PDE1C: variants seen among roughly 807,000 people sequenced by gnomAD.
The protein encoded by PDE1C is dual specificity calcium/calmodulin-dependent 3',5'-cyclic nucleotide phosphodiesterase 1C.
In PDE1C, 62 loss-of-function variants were observed where a neutral mutation model predicts 93.1. The ratio of observed to expected loss-of-function variants is 0.67; its 90% CI spans 0.54 to 0.82. The LOEUF (loss-of-function observed/expected upper bound fraction) is 0.82, where lower values mean the gene tolerates loss of function less well. Among genes scored for constraint, PDE1C ranks in the 40% least tolerant of loss-of-function variants. The pLI is 0.00. For synonymous variants in PDE1C, 325 were observed against 310.1 expected, an observed-to-expected ratio of 1.05 and a Z score of -0.50; for missense variants, 742 against 884.6, an observed-to-expected ratio of 0.84 and a Z score of 2.04.
At chr7:32,417,278 CTTT>C (rs111750487) in intron 1 of PDE1C, among the ~76,000 whole-genome samples, 56 of 142,098 alleles carry the variant, frequency 3.9e-4, no homozygotes, top group African/African-American at 1.3e-3. Context: ...AAAGTGATGA[CTTT>C]TTTTTTTTTT....
the PDE1C span, among the ~76,000 whole-genome samples, chr7:31,619,719 C>CG: frequency 1.2e-4 from 19 of 152,056 alleles, no homozygotes; most frequent in African/African-American, 2.4e-5. Flanking sequence ...TCTGAGGTAC[C>CG]AGTTCCATCT....
chr7:31,890,988 C>T (rs1343217329), intron 2 of PDE1C, among the ~76,000 whole-genome samples: 1 of 152,104 alleles, frequency 6.6e-6, no homozygotes, highest in African/African-American at 2.4e-5. Context: ...TATTGTTTCC[C>T]TCCACTCCAC....
chr7:32,293,007 C>T (rs1442100548), intron 1 of PDE1C, among the ~76,000 whole-genome samples: 1 of 152,184 alleles, frequency 6.6e-6, no homozygotes, highest in East Asian at 1.9e-4. Flanking sequence ...CCTGGCTGCC[C>T]ACCCACAGAG....
At chr7:31,805,838 T>C (rs887792039) in intron 16 of PDE1C, among the ~76,000 whole-genome samples, 2 of 151,942 alleles carry the variant, frequency 1.3e-5, no homozygotes, top group African/African-American at 2.4e-5. Context: ...GGAAGTCCTC[T>C]CAAGGCAGTA....
intron 2 of PDE1C, among the ~76,000 whole-genome samples, chr7:32,185,111 C>T (rs1400553388): frequency 6.9e-6 from 1 of 144,928 alleles, no homozygotes; most frequent in East Asian, 2.0e-4. Flanking sequence ...AACTCTGTCC[C>T]CCCACAAAAA....
intron 17 of PDE1C, among the ~76,000 whole-genome samples, chr7:31,758,975 A>C (rs1794659177): frequency 6.6e-6 from 1 of 152,158 alleles, no homozygotes; most frequent in Non-Finnish European, 1.5e-5. Context: ...GCATGAAGAA[A>C]CATTTACCAT....
Position 31,879,260 on chromosome 7 carries a change from C to T in PDE1C, c.243-82G>A, listed in dbSNP as rs935154807. 16 of 1,361,666 alleles carry T rather than the reference C, an allele frequency of 1.2e-5. No homozygotes were observed. In the African/African-American group the frequency reaches 2.2e-4, roughly 19 times the overall value. The allele number at this position is 1,361,666 out of a possible 1,614,324, so 84.3% of individuals were successfully genotyped here. A position where few individuals can be genotyped will look rare whatever the true frequency, so the allele number is the denominator to read the frequency against. ...TGTTCAAAGCAGCTGCTCCTCTCTG[C>T]CTCACCTGCATGTTAGGTGCAAAGA... On this transcript the variant is annotated intron_variant, in intron 3 of 17. Transcript: ENST00000396191.
intron 2 of PDE1C, among the ~76,000 whole-genome samples, chr7:31,955,500 G>C (rs930170641): frequency 6.6e-6 from 1 of 152,128 alleles, no homozygotes; most frequent in Non-Finnish European, 1.5e-5. Flanking sequence ...TAGTCTTCAG[G>C]AGGCAATTTC....
At chr7:32,052,303 G>T in intron 1 of PDE1C, 1 of 485,290 alleles carries the variant, frequency 2.1e-6, no homozygotes, top group Non-Finnish European at 4.2e-6. Context: ...CAAATCTTGT[G>T]CATCAGGCTT....
intron 2 of PDE1C, among the ~76,000 whole-genome samples, chr7:32,032,174 G>C (rs1383349281): frequency 3.3e-5 from 5 of 152,162 alleles, no homozygotes; most frequent in Admixed American, 3.3e-4. Context: ...AGAAACCCAG[G>C]ATGCCACATG....
chr7:31,735,777 C>T, the PDE1C span, among the ~76,000 whole-genome samples: 8 of 152,274 alleles, frequency 5.3e-5, no homozygotes, highest in Admixed American at 3.9e-4. Context: ...TCTTCTGTGC[C>T]TTTGATAGAT....
intron 1 of PDE1C, among the ~76,000 whole-genome samples, chr7:32,065,451 T>C (rs1210381992): frequency 6.6e-6 from 1 of 152,222 alleles, no homozygotes; most frequent in Non-Finnish European, 1.5e-5. Context: ...CTGTAACACC[T>C]TCTCTGGCCC....
rs547300159 is a variant in PDE1C, at chr7:31,752,052, A to C, written c.*1332T>G. The C allele has an allele frequency of 1.3e-5, 2 of 152,198 alleles. No individual in the cohort carries two copies. Among genetic ancestry groups the C allele is most frequent in the Non-Finnish European group, 2.9e-5 (2 of 68,038 alleles). 9.4% of individuals were successfully genotyped at this position (152,198 alleles called of 1,614,324 possible). On this transcript the variant is annotated 3_prime_UTR_variant, in exon 18 of 18. Transcript: ENST00000396191. ...CTACATTATCATTAATCTTCAATAC[A>C]AAGTGCAGAGTGTGTATATGAATCC...
At chr7:31,700,239 A>T in the PDE1C span, among the ~76,000 whole-genome samples, 4,328 of 152,320 alleles carry the variant, frequency 0.028, 101 homozygotes, top group Middle Eastern at 0.041. Flanking sequence ...GTTCTACTCC[A>T]GTGAACACAG....
intron 1 of PDE1C, among the ~76,000 whole-genome samples, chr7:32,373,121 G>A (rs547526449): frequency 2.0e-5 from 3 of 152,222 alleles, no homozygotes; most frequent in Admixed American, 6.5e-5. Context: ...GTATACCCAA[G>A]GCAAGTGAAA....
intron 1 of PDE1C, among the ~76,000 whole-genome samples, chr7:32,341,580 G>A (rs891254103): frequency 1.3e-5 from 2 of 152,168 alleles, no homozygotes; most frequent in Non-Finnish European, 2.9e-5. Context: ...TACTCACAGA[G>A]ACAGCACAGA....
chr7:32,354,072 T>G (rs1170131708), intron 1 of PDE1C, among the ~76,000 whole-genome samples: 3 of 152,164 alleles, frequency 2.0e-5, no homozygotes, highest in African/African-American at 7.2e-5. Flanking sequence ...CTCTATGACT[T>G]CCAAGATCCC....
chr7:32,246,113 T>C (rs1363064868), intron 1 of PDE1C, among the ~76,000 whole-genome samples: 1 of 151,712 alleles, frequency 6.6e-6, no homozygotes, highest in Non-Finnish European at 1.5e-5. Flanking sequence ...GGACCACAGA[T>C]GTACACCTCC....
upstream of PDE1C, chr7:32,299,371 A>G: frequency 1.0e-6 from 1 of 985,710 alleles, no homozygotes; most frequent in Non-Finnish European, 1.2e-6. Context: ...CACTGCCCCC[A>G]GCACTGGCCT....
Sources: gnomAD v4.1 joint callset for allele counts (sites outside exome capture counted in the v4.1 genomes callset) on GRCh38, gnomAD v4.1.1 for gene constraint, MANE v1.5 for transcripts, NCBI Gene and HGNC (gene_info 2026-07-23, HGNC 2026-07-21) for gene names.